Variants in RIN2 observed in about 807,000 individuals in gnomAD.
The protein encoded by RIN2 is Ras and Rab interactor 2, also known as RAB5 interacting protein 2.
Under a neutral mutation model 78.0 loss-of-function variants are expected in RIN2, and 36 were observed. That is an observed-to-expected ratio of 0.46 (90% CI 0.35 to 0.61). The LOEUF is 0.61. Among genes scored for constraint, RIN2 ranks in the 20% least tolerant of loss-of-function variants. RIN2 has a pLI of 0.00. For synonymous variants in RIN2, 466 were observed against 466.8 expected (o/e 1.00, Z 0.02); for missense variants, 1,087 against 1,159.7 (o/e 0.94, Z 0.91).
At chr20:19,935,462 G>C (rs1404887857) in intron 4 of RIN2, 8 of 1,234,492 alleles carry the variant, frequency 6.5e-6, no homozygotes, top group Non-Finnish European at 8.1e-6. Flanking sequence ...AAAATTGTCT[G>C]TGCCATATCC....
chr20:19,969,742 G>T (rs1321746985), intron 7 of RIN2, among the ~76,000 whole-genome samples: 1 of 151,180 alleles, frequency 6.6e-6, no homozygotes, highest in East Asian at 2.0e-4. Context: ...TTATTTCTTT[G>T]TAAGACTATT....
chr20:19,917,299 C>G (rs2123770097), intron 3 of RIN2, among the ~76,000 whole-genome samples: 1 of 152,258 alleles, frequency 6.6e-6, no homozygotes, highest in African/African-American at 2.4e-5. Context: ...GCCAGCCTTC[C>G]ATATGGCAAA....
chr20:19,842,080 A>G (rs1460236349), intron 2 of RIN2, among the ~76,000 whole-genome samples: 1 of 152,212 alleles, frequency 6.6e-6, no homozygotes. Context: ...CTTAAGTTGA[A>G]GCCAATATTC....
chr20:19,991,952 A>G (rs1601074319), intron 10 of RIN2, among the ~76,000 whole-genome samples: 1 of 152,224 alleles, frequency 6.6e-6, no homozygotes, highest in Non-Finnish European at 1.5e-5. Context: ...TCATTGGTTC[A>G]TAGACATTCA....
chr20:19,946,036 T>C (rs1291726296), intron 4 of RIN2, among the ~76,000 whole-genome samples: 2 of 152,224 alleles, frequency 1.3e-5, no homozygotes, highest in Non-Finnish European at 2.9e-5. Context: ...AGAATATTTC[T>C]CCCTGCCCGC....
chr20:19,762,593 A>T (rs2033685254), intron 1 of RIN2, among the ~76,000 whole-genome samples: 1 of 152,058 alleles, frequency 6.6e-6, no homozygotes, highest in Admixed American at 6.5e-5. Context: ...GACCTATCAG[A>T]TGGGGCGGGA....
intron 9 of RIN2, among the ~76,000 whole-genome samples, chr20:19,978,543 G>A (rs925946101): frequency 1.3e-5 from 2 of 152,282 alleles, no homozygotes; most frequent in African/African-American, 4.8e-5. Flanking sequence ...GATAAACAGT[G>A]AATCAATCTC....
At chr20:19,815,185 A>G (rs932711707) in intron 2 of RIN2, among the ~76,000 whole-genome samples, 6 of 152,206 alleles carry the variant, frequency 3.9e-5, no homozygotes, top group Non-Finnish European at 5.9e-5. Context: ...TCTAACAACA[A>G]TGAATCCAAC....
Position 19,960,811 on chromosome 20 carries a change from A to C in RIN2, c.463A>C (p.Thr155Pro), listed in dbSNP as rs1368507317. 6.3e-7 allele frequency: 1 copy of C among 1,575,770 alleles called. No individual in the cohort carries two copies. The highest frequency in any genetic ancestry group is 2.3e-5 in the East Asian group (1 of 43,724). ...KEFAIKESTY[T>P]FSLEGSGISF... is the part of the protein sequence containing the mutation. ...ATTTGCCATAAAGGAAAGCACATACAGTAAGTGGTCATTGGATGCTCAGGT... is the reference window on the plus strand; with the variant it reads ...ATTTGCCATAAAGGAAAGCACATACCGTAAGTGGTCATTGGATGCTCAGGT... The change falls in exon 6 of 13, where the codon ACC (threonine) becomes CCC (proline). Residue 155 changes from threonine (T) to proline (P), a missense_variant and splice_region_variant. Around this residue, in one of 8 missense-constraint regions of RIN2, gnomAD observed 706 missense variants for 667.5 expected, o/e 1.06. Coordinates refer to ENST00000255006, the MANE Select transcript of RIN2 (RefSeq NM_018993.4).
upstream of RIN2, chr20:19,758,150 C>T (rs1217703791): frequency 6.6e-6 from 1 of 152,320 alleles, no homozygotes; most frequent in African/African-American, 2.4e-5. Context: ...ACACAAAGCC[C>T]TTCCCTCCCC....
intron 2 of RIN2, among the ~76,000 whole-genome samples, chr20:19,849,486 C>G (rs2036891910): frequency 1.3e-5 from 2 of 152,186 alleles, no homozygotes. Context: ...TCCTGCTCAG[C>G]AGCAAAGTTG....
chr20:19,831,069 C>T (rs1827615416), intron 2 of RIN2, among the ~76,000 whole-genome samples: 1 of 152,108 alleles, frequency 6.6e-6, no homozygotes, highest in Non-Finnish European at 1.5e-5. Flanking sequence ...TCTGGGAGAC[C>T]CCAACCCATG....
At chr20:19,861,544 C>T (rs1233179348) in intron 2 of RIN2, among the ~76,000 whole-genome samples, 9 of 150,136 alleles carry the variant, frequency 6.0e-5, no homozygotes, top group African/African-American at 2.0e-4. Flanking sequence ...TATCTGATCA[C>T]CCTCCTTATC....
chr20:19,891,639 C>T (rs560434809), intron 3 of RIN2, among the ~76,000 whole-genome samples: 106 of 152,182 alleles, frequency 7.0e-4, no homozygotes, highest in African/African-American at 2.3e-3. Context: ...GCCAACATGG[C>T]GAAACCCCAT....
chr20:19,935,100 T>A lies in RIN2; in HGVS notation c.59T>A (p.Leu20His), dbSNP rs780438900. 6.3e-7 allele frequency: 1 copy of A among 1,590,452 alleles called. No individual in the cohort carries two copies. Among genetic ancestry groups the A allele is most frequent in the African/African-American group, 1.3e-5 (1 of 74,442 alleles). ...GLDKRGSFFK[L>H]IDTIASEIGE... ...CATACTATTTTTGTCTTTGAATAGC[T>A]CATTGACACAATTGCCTCGGAGATC... The change falls in exon 4 of 13, where the codon CTC becomes CAC. Residue 20 changes from leucine (L) to histidine (H), a missense_variant and splice_region_variant. Leu to His is a moderately conservative substitution (Grantham distance 99). Around this residue, in one of 8 missense-constraint regions of RIN2, gnomAD observed 706 missense variants for 667.5 expected, o/e 1.06. Transcript: ENST00000255006.
intron 4 of RIN2, among the ~76,000 whole-genome samples, chr20:19,946,156 G>A (rs745652568): frequency 1.3e-5 from 2 of 152,182 alleles, no homozygotes; most frequent in Admixed American, 6.5e-5. Context: ...GGCTAGGCCT[G>A]AATATGGGCT....
intron 2 of RIN2, among the ~76,000 whole-genome samples, chr20:19,881,039 A>C (rs1320845229): frequency 6.6e-6 from 1 of 152,228 alleles, no homozygotes; most frequent in Non-Finnish European, 1.5e-5. Context: ...CACTGGTTTC[A>C]GTCTAGAGAT....
intron 1 of RIN2, among the ~76,000 whole-genome samples, chr20:19,768,687 G>T (rs368876388): frequency 6.6e-6 from 1 of 152,144 alleles, no homozygotes; most frequent in African/African-American, 2.4e-5. Flanking sequence ...CCTCCTGATC[G>T]TATGAGGAGC....
At chr20:19,832,213 C>T (rs2036270416) in intron 2 of RIN2, among the ~76,000 whole-genome samples, 1 of 151,024 alleles carries the variant, frequency 6.6e-6, no homozygotes, top group Non-Finnish European at 1.5e-5. Context: ...CAAGCACATT[C>T]CCAAGGACGC....
Sources: gnomAD v4.1 joint callset for allele counts (sites outside exome capture counted in the v4.1 genomes callset) on GRCh38, gnomAD v4.1.1 for gene constraint, gnomAD v4.1.1 regional missense constraint, MANE v1.5 for transcripts, NCBI Gene and HGNC (gene_info 2026-07-23, HGNC 2026-07-21) for gene names.